NRG2: variants seen among roughly 807,000 people sequenced by gnomAD.
The protein encoded by NRG2 is neuregulin 2, also known as pro-neuregulin-2, membrane-bound isoform.
Under a neutral mutation model 73.9 loss-of-function variants are expected in NRG2, and 27 were observed. The observed-to-expected ratio is 0.37, with a 90% CI of 0.27 to 0.50. NRG2 has a LOEUF of 0.50. Ranked by LOEUF, NRG2 falls within the 20% of genes least tolerant of loss-of-function variation. The pLI is 0.96. For missense variants in NRG2, 1,126 were observed against 1,210.1 expected (o/e 0.93, Z 1.03); for synonymous variants, 532 against 541.0 (o/e 0.98, Z 0.23).
Position 139,853,075 on chromosome 5 carries a change from A to G in NRG2, c.1293-48T>C, listed in dbSNP as rs765524024. On this transcript the variant is annotated intron_variant, in intron 6 of 9. Coordinates refer to ENST00000361474, the MANE Select transcript of NRG2 (RefSeq NM_004883.3). This position sits in a 1 kb window ranked among gnomAD's most constrained non-coding sequence, Gnocchi z 4.1. The stretch of plus-strand genomic sequence containing the variant: ...AGGCTGGCATTCCCCCCACTCGCCA[A>G]CGATGAACTTCCCTAGCTATCTCTC... 3.1e-6 allele frequency: 5 copies of G among 1,608,978 alleles called. No homozygotes were observed. The highest frequency in any genetic ancestry group is 1.3e-5 in the African/African-American group (1 of 74,576).
chr5:139,970,734 G>A (rs1387796309), intron 1 of NRG2, among the ~76,000 whole-genome samples: 2 of 152,190 alleles, frequency 1.3e-5, no homozygotes, highest in Non-Finnish European at 2.9e-5. Flanking sequence ...GGAAGCAGTG[G>A]GAAGGCAGGA....
rs202082620 is a variant in NRG2 at position 139,851,618 on chromosome 5, G to T, written c.1758C>A (p.Ser586=). 1 of 1,613,976 alleles carries T rather than the reference G, an allele frequency of 6.2e-7. No homozygotes were observed. Among genetic ancestry groups the T allele is most frequent in the East Asian group, 2.2e-5 (1 of 44,880 alleles). ...YHDSVDSLRD[S]PHSERYVSAL... ...TAGGAACTGACCTCTCGCTGTGTGGGGAGTCGCGAAGGGAGTCCACGGAAT... is the reference window on the plus strand; with the variant it reads ...TAGGAACTGACCTCTCGCTGTGTGGTGAGTCGCGAAGGGAGTCCACGGAAT... The change falls in exon 9 of 10, where the codon TCC becomes TCA. Residue 586 remains serine (S), a synonymous_variant. Transcript: ENST00000361474. The surrounding 1 kb of genome is among the most constrained non-coding windows in gnomAD (Gnocchi z 4.2).
intron 1 of NRG2, among the ~76,000 whole-genome samples, chr5:139,976,266 G>A (rs1319462290): frequency 1.3e-5 from 2 of 152,278 alleles, no homozygotes; most frequent in Admixed American, 6.5e-5. Flanking sequence ...CTTTGTATAA[G>A]GCTTGTGCTC....
In NRG2 at chr5:140,042,837, G is replaced by A; in HGVS notation, c.233C>T (p.Ala78Val). ...QQQPQPRSPA[A>V]RRAAARSRAA... ...TCGCGAACGGGCGGCGGCTCTCCGG[G>A]CTGCGGGGCTGCGGGGCTGCGGCTG... Residue 78 changes from alanine (A) to valine (V), a missense_variant, in exon 1 of 10, where the codon GCC (alanine) becomes GTC (valine). This residue lies in a region of NRG2 where 185 missense variants were observed against 149.0 expected (regional missense o/e 1.24). Transcript: ENST00000361474. The A allele has an allele frequency of 6.8e-7, 1 of 1,464,788 alleles. No individual in the cohort carries two copies. Among genetic ancestry groups the A allele is most frequent in the Non-Finnish European group, 9.0e-7 (1 of 1,111,430 alleles). 90.7% of individuals were successfully genotyped at this position (1,464,788 alleles called of 1,614,324 possible).
At chr5:139,971,461 T>C (rs954229856) in intron 1 of NRG2, among the ~76,000 whole-genome samples, 1 of 152,104 alleles carries the variant, frequency 6.6e-6, no homozygotes, top group Non-Finnish European at 1.5e-5. Flanking sequence ...TGGCAAGGAA[T>C]TGCGGGGAGG....
chr5:139,887,407 G>A lies in NRG2; in HGVS notation c.805C>T (p.Arg269Cys). 4 of 1,614,218 alleles carry A rather than the reference G, an allele frequency of 2.5e-6. No individual in the cohort carries two copies. The highest frequency in any genetic ancestry group is 2.2e-5 in the East Asian group (1 of 44,878). ...AGCTCCTTGCCATCCTTGAACCAACGGTAGGAAGGCTGGGGATTACCGGCT... is the reference window on the plus strand; with the variant it reads ...AGCTCCTTGCCATCCTTGAACCAACAGTAGGAAGGCTGGGGATTACCGGCT... Reference protein sequence around the residue: ...AAAGNPQPSYRWFKDGKELNR... With the variant: ...AAAGNPQPSYCWFKDGKELNR... Residue 269 changes from arginine (R) to cysteine (C), a missense_variant, in exon 2 of 10, where the codon CGT (arginine) becomes TGT (cysteine). This residue lies in a region of NRG2 where 539 missense variants were observed against 703.2 expected (regional missense o/e 0.77). Transcript: ENST00000361474. The surrounding 1 kb of genome is among the most constrained non-coding windows in gnomAD (Gnocchi z 4.5).
chr5:140,029,188 G>A (rs957714816), intron 1 of NRG2, among the ~76,000 whole-genome samples: 4 of 152,136 alleles, frequency 2.6e-5, no homozygotes, highest in Non-Finnish European at 5.9e-5. Flanking sequence ...GGGGTGTTTT[G>A]CCATACCACA....
chr5:139,928,665 C>A (rs1374510440), intron 1 of NRG2, among the ~76,000 whole-genome samples: 2 of 152,188 alleles, frequency 1.3e-5, no homozygotes, highest in Non-Finnish European at 2.9e-5. Flanking sequence ...TGATGGTCAA[C>A]TCTGTGCTCT....
intron 1 of NRG2, among the ~76,000 whole-genome samples, chr5:139,907,643 G>A (rs1485177669): frequency 2.6e-5 from 4 of 152,188 alleles, no homozygotes; most frequent in African/African-American, 7.2e-5. Context: ...TGAATGATAC[G>A]AGTCAGAAAT....
In NRG2 at chr5:140,038,775, CTACAAGAAATAATGACAT is replaced by C. The variant is rs1344436729; in HGVS notation, c.700+3577_700+3594del. ...TGCAGTCTGCCGAGGAAAGCAGCCA[CTACAAGAAATAATGACAT>C]TAGGGTGGTAATTCAATCGTTAAAT... On this transcript the variant is annotated intron_variant, in intron 1 of 9. Transcript: ENST00000361474. 4.6e-5 allele frequency among the ~76,000 whole-genome samples: 7 copies of C among 152,304 alleles called. No individual in the cohort carries two copies. The East Asian group carries it at 1.3e-3, about 29-fold the overall frequency.
intron 1 of NRG2, among the ~76,000 whole-genome samples, chr5:139,945,420 A>G (rs1220116414): frequency 6.6e-6 from 1 of 152,072 alleles, no homozygotes; most frequent in African/African-American, 2.4e-5. Context: ...CTTTTCCCCA[A>G]AGAATGTTCC....
At chr5:139,907,221 G>A (rs1391350987) in intron 1 of NRG2, among the ~76,000 whole-genome samples, 1 of 152,230 alleles carries the variant, frequency 6.6e-6, no homozygotes, top group Non-Finnish European at 1.5e-5. Flanking sequence ...CAGGACAGTT[G>A]TAGGTCCAAT....
At chr5:139,867,762 C>CTGTGTGTGTGTGTG (rs367771225) in intron 4 of NRG2, among the ~76,000 whole-genome samples, 15 of 128,872 alleles carry the variant, frequency 1.2e-4, no homozygotes, top group East Asian at 2.4e-4. Context: ...GAAGGGAAAC[C>CTGTGTGTGTGTGTG]TGTGTGTGTG....
intron 1 of NRG2, among the ~76,000 whole-genome samples, chr5:140,010,998 T>C (rs1470176726): frequency 6.6e-6 from 1 of 152,214 alleles, no homozygotes; most frequent in African/African-American, 2.4e-5. Flanking sequence ...TAGAGGGTTC[T>C]CCTGGCTCCC....
At position 139,871,747 on chromosome 5, in the gene NRG2, G is replaced by T. The variant is rs139698006; in HGVS notation, c.1086C>A (p.Ile362=). ...TGCAGGAGAGCTGGTTGATGCCCTC[G>T]ATGTAGTAGCAGACGCCTCCATTGA... ...YCVNGGVCYY[I]EGINQLSCKC... Residue 362 remains isoleucine, a synonymous_variant, in exon 4 of 10, where the codon ATC becomes ATA. Coordinates refer to ENST00000361474, the MANE Select transcript of NRG2 (RefSeq NM_004883.3). 6.2e-7 allele frequency: 1 copy of T among 1,614,070 alleles called. No homozygotes were observed. Among genetic ancestry groups the T allele is most frequent in the East Asian group, 2.2e-5 (1 of 44,882 alleles).
At chr5:139,972,568 T>C (rs1208705943) in intron 1 of NRG2, among the ~76,000 whole-genome samples, 1 of 152,058 alleles carries the variant, frequency 6.6e-6, no homozygotes, top group Non-Finnish European at 1.5e-5. Flanking sequence ...CTACTAAAAA[T>C]ACAAAAATTA....
rs1181920444 is a variant in NRG2, at chr5:140,008,936, G to A, written c.700+33434C>T. ...TAATAGCAATAGAACCAACCTCCCA[G>A]GGTTGTTGCAAGGACTGAGTGAGAG... On this transcript the variant is annotated intron_variant, in intron 1 of 9. Transcript: ENST00000361474. This position sits in a 1 kb window ranked among gnomAD's most constrained non-coding sequence, Gnocchi z 4.2. 6.6e-6 allele frequency among the ~76,000 whole-genome samples: 1 copy of A among 152,166 alleles called. No homozygotes were observed. Among genetic ancestry groups the A allele is most frequent in the African/African-American group, 2.4e-5 (1 of 41,440 alleles).
intron 1 of NRG2, among the ~76,000 whole-genome samples, chr5:139,900,545 G>A (rs1764810629): frequency 6.6e-6 from 1 of 152,204 alleles, no homozygotes; most frequent in African/African-American, 2.4e-5. Flanking sequence ...GTTCCAATGG[G>A]GCCCAGGTCT....
intron 1 of NRG2, among the ~76,000 whole-genome samples, chr5:139,898,465 C>T (rs1764687425): frequency 6.6e-6 from 1 of 152,212 alleles, no homozygotes; most frequent in Non-Finnish European, 1.5e-5. Context: ...AGGGAGTGAA[C>T]TATGAGTTCA....
Sources: allele counts gnomAD v4.1 joint callset (sites outside exome capture counted in the v4.1 genomes callset), GRCh38; gene constraint gnomAD v4.1.1; regional missense constraint gnomAD v4.1.1; non-coding constraint Gnocchi (gnomAD v3.1); transcripts MANE v1.5; gene names NCBI Gene and HGNC (gene_info 2026-07-23, HGNC 2026-07-21).